Variants in DSE observed in about 807,000 individuals in gnomAD.
DSE encodes the protein dermatan sulfate epimerase.
Under a neutral mutation model 84.4 loss-of-function variants are expected in DSE, and 36 were observed. The observed-to-expected ratio is 0.43, with a 90% confidence interval of 0.33 to 0.56. The LOEUF (loss-of-function observed/expected upper bound fraction) is 0.56, where lower values mean the gene tolerates loss of function less well. Ranked by LOEUF, DSE falls within the 20% of genes least tolerant of loss-of-function variation. DSE has a pLI of 0.06. For synonymous variants in DSE, 410 were observed against 430.1 expected (o/e 0.95, Z 0.58); for missense variants, 862 against 1,169.6 (o/e 0.74, Z 3.84).
chr6:116,353,720 C>G (rs1778441312), intron 2 of DSE, among the ~76,000 whole-genome samples: 1 of 152,154 alleles, frequency 6.6e-6, no homozygotes, highest in Admixed American at 6.6e-5. Flanking sequence ...CTGACTGTCT[C>G]CAACCATTGG....
chr6:116,421,731 G>T (rs1387871442), intron 2 of DSE, among the ~76,000 whole-genome samples: 1 of 151,642 alleles, frequency 6.6e-6, no homozygotes, highest in East Asian at 1.9e-4. Context: ...AAAGCACTAG[G>T]ATTACAGGCA....
chr6:116,311,944 T>C (rs1256486463), intron 2 of DSE, among the ~76,000 whole-genome samples: 1 of 152,132 alleles, frequency 6.6e-6, no homozygotes, highest in Non-Finnish European at 1.5e-5. Context: ...CCTCCAACAG[T>C]GCCTGGAGTA....
Position 116,426,794 on chromosome 6 carries a change from T to G in DSE, c.637T>G (p.Leu213Val), listed in dbSNP as rs747013266. Residue 213 changes from leucine to valine, a missense_variant, in exon 3 of 6, where the codon TTG becomes GTG. By Grantham distance (32) the Leu-to-Val change is conservative. Around this residue, in one of 4 missense-constraint regions of DSE, gnomAD observed 309 missense variants for 516.9 expected, o/e 0.60. Transcript: ENST00000644252. ...TCATCAGCCCACCAACTGTATGGCT[T>G]TGCTCACGGGAAGCCTAGTCCTGAT... ...HNHQPTNCMA[L>V]LTGSLVLMNQ... The G allele has an allele frequency of 6.2e-7, 1 of 1,614,126 alleles. No individual in the cohort carries two copies.
chr6:116,399,707 A>G (rs781733929), intron 2 of DSE, 41 bp downstream of exon 2: 2 of 1,570,616 alleles, frequency 1.3e-6, no homozygotes, highest in South Asian at 1.2e-5. Context: ...GTAACTCTGC[A>G]TTAGAAAGAA....
intron 2 of DSE, among the ~76,000 whole-genome samples, chr6:116,337,028 A>T (rs1301426804): frequency 2.0e-5 from 3 of 152,200 alleles, no homozygotes; most frequent in Admixed American, 1.3e-4. Flanking sequence ...GCCAGTGTTT[A>T]CATTTTATCT....
At chr6:116,376,711 A>G (rs1779952908) in intron 1 of DSE, among the ~76,000 whole-genome samples, 1 of 152,242 alleles carries the variant, frequency 6.6e-6, no homozygotes, top group African/African-American at 2.4e-5. Flanking sequence ...CTTCAGTAAT[A>G]TGTAGAAGCT....
chr6:116,283,132 A>G (rs979554716), intron 2 of DSE, among the ~76,000 whole-genome samples: 1 of 152,218 alleles, frequency 6.6e-6, no homozygotes, highest in Non-Finnish European at 1.5e-5. Context: ...AGACTTACCA[A>G]AAACCTGTCT....
chr6:116,310,372 C>CT (rs560238416), intron 2 of DSE, among the ~76,000 whole-genome samples: 3,434 of 149,004 alleles, frequency 0.023, 79 homozygotes, highest in South Asian at 0.058. Flanking sequence ...CAAAATAATT[C>CT]TTTTTTTTTT....
chr6:116,397,419 A>G lies in DSE; in HGVS notation c.-53-1779A>G, dbSNP rs185338515. On this transcript the variant is annotated intron_variant, in intron 1 of 5. Coordinates refer to ENST00000644252, the MANE Select transcript of DSE (RefSeq NM_013352.4). ...ATGGGGTTTCGCCATTTTGGCCAGG[A>G]TGGTCTTCAACTCCTGACCTCAAGG... is the stretch of plus-strand genomic sequence containing the variant. Among the ~76,000 whole-genome samples, 203 of 151,768 alleles carry G rather than the reference A, an allele frequency of 1.3e-3. 1 individual carries two copies. Among genetic ancestry groups the G allele is most frequent in the African/African-American group, 3.9e-3 (160 of 41,354 alleles).
rs1562316238 is a variant in DSE, at chr6:116,437,121, A to C, written c.2653A>C (p.Met885Leu). 1 of 1,614,172 alleles carries C rather than the reference A, an allele frequency of 6.2e-7. No homozygotes were observed. Among genetic ancestry groups the C allele is most frequent in the Admixed American group, 1.7e-5 (1 of 60,018 alleles). ...LIKGRFGQAR[M>L]VTTTHSRAPS... ...TAAAGGCCGGTTTGGACAGGCACGG[A>C]TGGTGACAACTACACACAGCAGGGC... Residue 885 changes from methionine (M) to leucine (L), a missense_variant, in exon 6 of 6, where the codon ATG becomes CTG. Met to Leu is a conservative substitution (Grantham distance 15). Around this residue, in one of 4 missense-constraint regions of DSE, gnomAD observed 315 missense variants for 348.1 expected, o/e 0.90. Coordinates refer to ENST00000644252, the MANE Select transcript of DSE (RefSeq NM_013352.4).
rs1562317986 is a variant in DSE at position 116,438,372 on chromosome 6, T to C, written c.*1027T>C. 1 of 152,394 alleles carries C rather than the reference T, an allele frequency of 6.6e-6. No homozygotes were observed. The highest frequency in any genetic ancestry group is 1.5e-5 in the Non-Finnish European group (1 of 67,978). The allele number at this position is 152,394 out of a possible 1,614,324, so 9.4% of individuals were successfully genotyped here. ...GAAGAGAGATCTTTATTTGGACGTG[T>C]ATTCATTAAATATATAAAGTAGTGT... On this transcript the variant is annotated 3_prime_UTR_variant, in exon 6 of 6. Transcript: ENST00000644252.
intron 1 of DSE, among the ~76,000 whole-genome samples, chr6:116,398,899 A>G (rs1302101728): frequency 1.3e-5 from 2 of 152,210 alleles, no homozygotes; most frequent in Non-Finnish European, 2.9e-5. Flanking sequence ...TTTTTGCATG[A>G]TACTATGTGA....
At chr6:116,373,404 G>GC (rs1235295541) in intron 1 of DSE, among the ~76,000 whole-genome samples, 27 of 152,146 alleles carry the variant, frequency 1.8e-4, no homozygotes, top group Non-Finnish European at 2.4e-4. Context: ...AACAGTACAG[G>GC]CAGTTGCCAT....
At chr6:116,395,890 T>A (rs1421439652) in intron 1 of DSE, among the ~76,000 whole-genome samples, 1 of 152,238 alleles carries the variant, frequency 6.6e-6, no homozygotes. Flanking sequence ...TGGGTATTAC[T>A]TCCTCTTTTA....
chr6:116,391,677 A>G (rs1780915355), intron 1 of DSE, among the ~76,000 whole-genome samples: 1 of 151,458 alleles, frequency 6.6e-6, no homozygotes, highest in African/African-American at 2.4e-5. Context: ...AGGCAGGAGA[A>G]TGGCATGAAC....
At chr6:116,279,807 C>T (rs1423679820) in intron 2 of DSE, 2 of 1,612,916 alleles carry the variant, frequency 1.2e-6, no homozygotes, top group Non-Finnish European at 1.7e-6. Flanking sequence ...GAGTGGTCCT[C>T]TTGACCCCAT....
intron 2 of DSE, among the ~76,000 whole-genome samples, chr6:116,356,647 G>A (rs1778585920): frequency 6.6e-6 from 1 of 152,140 alleles, no homozygotes; most frequent in Admixed American, 6.5e-5. Flanking sequence ...ATCTCACTTT[G>A]CGAATGACGA....
intron 2 of DSE, among the ~76,000 whole-genome samples, chr6:116,284,019 A>G (rs1256986569): frequency 6.6e-6 from 1 of 152,226 alleles, no homozygotes; most frequent in Non-Finnish European, 1.5e-5. Flanking sequence ...AAATTGGTCC[A>G]TGACAGAGCA....
chr6:116,335,421 G>A (rs538667191), intron 2 of DSE, among the ~76,000 whole-genome samples: 27 of 152,256 alleles, frequency 1.8e-4, no homozygotes, highest in Non-Finnish European at 4.0e-4. Flanking sequence ...AATAACTCAT[G>A]AGTACTAGGC....
Sources: gnomAD v4.1 joint callset for allele counts (sites outside exome capture counted in the v4.1 genomes callset) on GRCh38, gnomAD v4.1.1 for gene constraint, gnomAD v4.1.1 regional missense constraint, MANE v1.5 for transcripts, NCBI Gene and HGNC (gene_info 2026-07-23, HGNC 2026-07-21) for gene names.